Variants in GABPB1 observed in about 807,000 individuals in gnomAD.
The protein encoded by GABPB1 is GA binding protein transcription factor subunit beta 1, also known as GA-binding protein subunit beta-1.
In GABPB1, 15 loss-of-function variants were observed where a neutral mutation model predicts 45.9. The observed-to-expected ratio is 0.33, with a 90% CI of 0.22 to 0.50. The LOEUF is 0.50. Among genes scored for constraint, GABPB1 ranks in the 20% least tolerant of loss-of-function variants. The pLI, the probability that GABPB1 is intolerant of heterozygous loss-of-function variation, is 0.98. For missense variants in GABPB1, 252 were observed against 457.5 expected (o/e 0.55, Z 4.10); for synonymous variants, 143 against 154.4 (o/e 0.93, Z 0.55).
At chr15:50,326,293 C>T (rs1201108142) in intron 1 of GABPB1, among the ~76,000 whole-genome samples, 4 of 152,154 alleles carry the variant, frequency 2.6e-5, no homozygotes, top group African/African-American at 7.2e-5. Flanking sequence ...GTGGGAAGAT[C>T]GTTCAAGCCC....
chr15:50,283,657 C>T (rs1343097572), intron 8 of GABPB1, among the ~76,000 whole-genome samples: 4 of 152,026 alleles, frequency 2.6e-5, no homozygotes, highest in Admixed American at 6.6e-5. Context: ...ACTACAGGTG[C>T]GTGCCACCAC....
chr15:50,344,169 T>A (rs1379780729), intron 1 of GABPB1, among the ~76,000 whole-genome samples: 1 of 152,190 alleles, frequency 6.6e-6, no homozygotes, highest in Non-Finnish European at 1.5e-5. Context: ...AAGCAAGGTA[T>A]ATTACAGAGT....
intron 1 of GABPB1, chr15:50,351,033 C>G (rs2048800019): frequency 6.6e-6 from 1 of 152,166 alleles, no homozygotes; most frequent in Admixed American, 6.6e-5. Flanking sequence ...GATTTTGACA[C>G]TTAGGTGTCT....
intron 3 of GABPB1, 96 bp from the exon 4 acceptor site, chr15:50,303,219 A>C (rs1271466401): frequency 1.1e-6 from 1 of 934,014 alleles, no homozygotes; most frequent in African/African-American, 1.7e-5. Context: ...AAGCAAGAAC[A>C]AATAATGTAG....
At chr15:50,346,129 TAAG>T (rs1422224033) in intron 1 of GABPB1, among the ~76,000 whole-genome samples, 1 of 151,872 alleles carries the variant, frequency 6.6e-6, no homozygotes. Flanking sequence ...ATTTACAAAA[TAAG>T]ATGAAAGAAC....
chr15:50,346,957 T>A (rs1304520196), intron 1 of GABPB1, among the ~76,000 whole-genome samples: 1 of 151,874 alleles, frequency 6.6e-6, no homozygotes, highest in Non-Finnish European at 1.5e-5. Flanking sequence ...GCCCGGCTAA[T>A]TTTTGTATTT....
In GABPB1 at chr15:50,301,313, A is replaced by G. The variant is rs1233733589; in HGVS notation, c.527T>C (p.Ile176Thr). The G allele has an allele frequency of 6.2e-7, 1 of 1,614,134 alleles. No individual in the cohort carries two copies. The highest frequency in any genetic ancestry group is 8.5e-7 in the Non-Finnish European group (1 of 1,179,990). ...TNPESPDTVT[I>T]HAATPQFIIG... is the part of the protein sequence containing the mutation. ...GATAAACTGTGGTGTTGCAGCATGT[A>G]TTGTCACAGTGTCAGGACTCTCTGG... is the stretch of plus-strand genomic sequence containing the variant. Residue 176 changes from isoleucine to threonine, a missense_variant, in exon 5 of 9, where the codon ATA (isoleucine) becomes ACA (threonine). Coordinates refer to ENST00000380877, the MANE Select transcript of GABPB1 (RefSeq NM_016654.5).
intron 1 of GABPB1, among the ~76,000 whole-genome samples, chr15:50,344,752 C>A (rs570104091): frequency 6.6e-6 from 1 of 152,074 alleles, no homozygotes; most frequent in Non-Finnish European, 1.5e-5. Flanking sequence ...GCAGGACAAT[C>A]GCTTGAACCT....
At chr15:50,299,998 G>C (rs896016518) in intron 6 of GABPB1, among the ~76,000 whole-genome samples, 4 of 151,776 alleles carry the variant, frequency 2.6e-5, no homozygotes, top group South Asian at 4.2e-4. Flanking sequence ...TATATTTTTT[G>C]GTAGAGATAG....
At chr15:50,336,734 A>G (rs967656880) in intron 1 of GABPB1, among the ~76,000 whole-genome samples, 1 of 151,908 alleles carries the variant, frequency 6.6e-6, no homozygotes, top group African/African-American at 2.4e-5. Context: ...AAAGTTAGGT[A>G]TGTCAAGAAT....
intron 7 of GABPB1, among the ~76,000 whole-genome samples, chr15:50,288,935 C>A (rs1204569225): frequency 6.6e-6 from 1 of 152,040 alleles, no homozygotes; most frequent in Admixed American, 6.5e-5. Context: ...TAGCAATTCT[C>A]CCACTCCAGG....
intron 1 of GABPB1, among the ~76,000 whole-genome samples, chr15:50,348,625 A>G (rs910054364): frequency 6.7e-6 from 1 of 149,934 alleles, no homozygotes. Context: ...GCACTTTGGG[A>G]GGCCGAGGCA....
At chr15:50,303,287 G>A (rs181181541) in intron 3 of GABPB1, among the ~76,000 whole-genome samples, 164 bp from the exon 4 acceptor site, 15 of 152,100 alleles carry the variant, frequency 9.9e-5, no homozygotes, top group Non-Finnish European at 1.5e-4. Context: ...AGTGGCTCAC[G>A]CCTGTAATCC....
At chr15:50,300,436 G>GTT (rs1297157973) in intron 6 of GABPB1, among the ~76,000 whole-genome samples, 1 of 40,808 alleles carries the variant, frequency 2.5e-5, no homozygotes, top group Non-Finnish European at 3.9e-5. Context: ...ACTGTTTTTG[G>GTT]TTTTTTTTTT....
intron 1 of GABPB1, chr15:50,354,579 C>T (rs1241710999): frequency 2.2e-6 from 1 of 449,074 alleles, no homozygotes. Flanking sequence ...CTTTCTCCCG[C>T]CCACTGCCAA....
At chr15:50,309,841 A>T (rs1339386793) in intron 1 of GABPB1, 43 bp from the exon 2 acceptor site, 1 of 1,122,306 alleles carries the variant, frequency 8.9e-7, no homozygotes, top group Non-Finnish European at 1.4e-6. Context: ...ATCTCCATTT[A>T]TACACTATGA....
At chr15:50,294,916 G>A (rs75864174) in intron 6 of GABPB1, among the ~76,000 whole-genome samples, 3,066 of 152,246 alleles carry the variant, frequency 0.02, 101 homozygotes, top group African/African-American at 0.071. Context: ...AGACAAAAAA[G>A]AAGGGTGGTC....
At chr15:50,282,784 G>A (rs1364174094) in intron 8 of GABPB1, among the ~76,000 whole-genome samples, 1 of 152,196 alleles carries the variant, frequency 6.6e-6, no homozygotes, top group East Asian at 1.9e-4. Context: ...GCCGTGCGCA[G>A]TGGCTCATGC....
At chr15:50,342,832 G>A (rs2141163974) in intron 1 of GABPB1, among the ~76,000 whole-genome samples, 1 of 152,284 alleles carries the variant, frequency 6.6e-6, no homozygotes, top group South Asian at 2.1e-4. Flanking sequence ...AGGTTTCAAG[G>A]TTTATATTAA....
Sources: gnomAD v4.1 joint callset for allele counts (sites outside exome capture counted in the v4.1 genomes callset) on GRCh38, gnomAD v4.1.1 for gene constraint, MANE v1.5 for transcripts, NCBI Gene and HGNC (gene_info 2026-07-23, HGNC 2026-07-21) for gene names.